ZC3H3: variants seen among roughly 807,000 people sequenced by gnomAD.
ZC3H3 encodes zinc finger CCCH domain-containing protein 3.
A neutral mutation model predicts 77.3 loss-of-function variants in ZC3H3; 36 were observed. That is an observed-to-expected ratio of 0.47 (90% CI 0.36 to 0.61). The LOEUF is 0.61. ZC3H3 is among the 20% of genes least tolerant of loss of function. The pLI is 0.00. For synonymous variants in ZC3H3, 626 were observed against 555.2 expected (o/e 1.13, Z -1.79); for missense variants, 1,331 against 1,312.2 (o/e 1.01, Z -0.22).
Position 143,538,509 on chromosome 8 carries a change from G to A in ZC3H3, c.858C>T (p.Ala286=). 1 of 1,612,646 alleles carries A rather than the reference G, an allele frequency of 6.2e-7. No homozygotes were observed. ...CCTCCCGGGCCTGCCTGGGTCCTGA[G>A]GCCGGTCTGGCGGGGCCCCCCACTG... is the stretch of plus-strand genomic sequence containing the variant. ...SGSVGGPARP[A]SGPRQAREAS... The change falls in exon 2 of 12, where the codon GCC becomes GCT. Residue 286 remains alanine, a synonymous_variant. Coordinates refer to ENST00000262577, the MANE Select transcript of ZC3H3 (RefSeq NM_015117.3).
At chr8:143,472,444 C>A (rs1467271554) in intron 5 of ZC3H3, among the ~76,000 whole-genome samples, 1 of 152,232 alleles carries the variant, frequency 6.6e-6, no homozygotes, top group Non-Finnish European at 1.5e-5. Context: ...GACGGGGAGA[C>A]ACAGCAGCAC....
rs909361948 is a variant in ZC3H3 at position 143,460,882 on chromosome 8, C to T, written c.2307+4835G>A. Among the ~76,000 whole-genome samples, 2 of 152,112 alleles carry T rather than the reference C, an allele frequency of 1.3e-5. No homozygotes were observed. The highest frequency in any genetic ancestry group is 2.9e-5 in the Non-Finnish European group (2 of 68,024). ...GCCAGACACCAAAGGACAGAATGTACGATTCCACTTAGAGGACATAGCTAG... is the reference window on the plus strand; with the variant it reads ...GCCAGACACCAAAGGACAGAATGTATGATTCCACTTAGAGGACATAGCTAG... On this transcript the variant is annotated intron_variant, in intron 9 of 11. Transcript: ENST00000262577. This position sits in a 1 kb window ranked among gnomAD's most constrained non-coding sequence, Gnocchi z 4.0.
chr8:143,461,032 G>A (rs920860924), intron 9 of ZC3H3, among the ~76,000 whole-genome samples: 2 of 152,086 alleles, frequency 1.3e-5, no homozygotes, highest in Non-Finnish European at 2.9e-5. Flanking sequence ...ATGTTTCCAC[G>A]GTGTTGTGAA....
chr8:143,464,874 C>T (rs1245217291), intron 9 of ZC3H3, among the ~76,000 whole-genome samples: 1 of 152,156 alleles, frequency 6.6e-6, no homozygotes, highest in African/African-American at 2.4e-5. Context: ...AAGCCTTAGG[C>T]CAGGTGCAGG....
At chr8:143,478,566 A>G (rs918104199) in intron 4 of ZC3H3, among the ~76,000 whole-genome samples, 1 of 152,182 alleles carries the variant, frequency 6.6e-6, no homozygotes, top group Non-Finnish European at 1.5e-5. Context: ...CTAGAGTGCA[A>G]TGGTGCGATC....
intron 3 of ZC3H3, among the ~76,000 whole-genome samples, chr8:143,534,298 G>C (rs200748839): frequency 7.8e-6 from 1 of 127,454 alleles, no homozygotes; most frequent in African/African-American, 2.8e-5. Flanking sequence ...AAAAAAAAAC[G>C]ACGAGATCAA....
chr8:143,526,978 C>A (rs11782873), intron 3 of ZC3H3, among the ~76,000 whole-genome samples: 17,819 of 152,160 alleles, frequency 0.12, 1,329 homozygotes, highest in Admixed American at 0.2. Flanking sequence ...AAGATAGACC[C>A]CTGAGAGGCC....
At position 143,460,411 on chromosome 8, in the gene ZC3H3, C is replaced by T. The variant is rs902016977; in HGVS notation, c.2307+5306G>A. ...AAAAGTTAGAATAAAGAAATTCAACCACAACAAGTGGTGGGGAGGGTGTGG... is the reference window on the plus strand; with the variant it reads ...AAAAGTTAGAATAAAGAAATTCAACTACAACAAGTGGTGGGGAGGGTGTGG... On this transcript the variant is annotated intron_variant, in intron 9 of 11. Transcript: ENST00000262577. The surrounding 1 kb of genome is among the most constrained non-coding windows in gnomAD (Gnocchi z 4.0). 2.6e-5 allele frequency among the ~76,000 whole-genome samples: 4 copies of T among 152,076 alleles called. No homozygotes were observed. The highest frequency in any genetic ancestry group is 1.9e-4 in the East Asian group (1 of 5,182).
chr8:143,517,886 C>T (rs1372763287), intron 3 of ZC3H3, among the ~76,000 whole-genome samples: 1 of 152,240 alleles, frequency 6.6e-6, no homozygotes, highest in East Asian at 1.9e-4. Context: ...ACTGGGAGCA[C>T]TCAGATACTC....
At chr8:143,459,636 G>A (rs1292056360) in intron 9 of ZC3H3, among the ~76,000 whole-genome samples, 1 of 152,116 alleles carries the variant, frequency 6.6e-6, no homozygotes, top group African/African-American at 2.4e-5. Flanking sequence ...CAATTAATGA[G>A]ATTGTGACTG....
intron 4 of ZC3H3, among the ~76,000 whole-genome samples, chr8:143,505,314 T>C (rs1198973244): frequency 6.6e-6 from 1 of 152,216 alleles, no homozygotes; most frequent in East Asian, 1.9e-4. Context: ...TCCAGCCACA[T>C]GCAGGCAGCC....
chr8:143,517,761 C>T (rs1392447426), intron 3 of ZC3H3, among the ~76,000 whole-genome samples: 1 of 152,180 alleles, frequency 6.6e-6, no homozygotes, highest in Non-Finnish European at 1.5e-5. Flanking sequence ...GGATTGAGAA[C>T]GCCTCTTCAC....
At chr8:143,506,872 C>T (rs1821712374) in intron 4 of ZC3H3, among the ~76,000 whole-genome samples, 1 of 152,206 alleles carries the variant, frequency 6.6e-6, no homozygotes, top group African/African-American at 2.4e-5. Flanking sequence ...AGGGAACCAC[C>T]AGGCAGCTAC....
chr8:143,495,559 G>A (rs73715634), intron 4 of ZC3H3, among the ~76,000 whole-genome samples: 2,807 of 152,242 alleles, frequency 0.018, 80 homozygotes, highest in African/African-American at 0.064. Flanking sequence ...CGAGGTATGC[G>A]TTGCGCAGGT....
Position 143,480,756 on chromosome 8 carries a change from G to A in ZC3H3, c.1716-5171C>T, listed in dbSNP as rs150334386. Among the ~76,000 whole-genome samples the A allele has an allele frequency of 9.7e-4, 148 of 152,350 alleles. 2 individuals are homozygous for A. The East Asian group carries it at 0.026, about 27-fold the overall frequency. ...CATGGGCACTGCCTGCGGTGTCTCC[G>A]TGCCATGCGACCCAGCTCTGAGACC... is the stretch of plus-strand genomic sequence containing the variant. On this transcript the variant is annotated intron_variant, in intron 4 of 11. Transcript: ENST00000262577.
chr8:143,467,810 C>A (rs1820452912), intron 8 of ZC3H3, among the ~76,000 whole-genome samples: 1 of 151,818 alleles, frequency 6.6e-6, no homozygotes, highest in Non-Finnish European at 1.5e-5. Context: ...CACCCAGCCC[C>A]CTCACATACA....
rs749933422 is a variant in ZC3H3 at position 143,440,337 on chromosome 8, G to A, written c.2519C>T (p.Thr840Ile). Reference protein sequence around the residue: ...PRKPSASQRPTRQTPSSAALT... With the variant: ...PRKPSASQRPIRQTPSSAALT... ...GGCAGCCGAGCTGGGCGTCTGCCTG[G>A]TGGGGCGCTGGGATGCTGAAGGCTT... Residue 840 changes from threonine to isoleucine, a missense_variant, in exon 11 of 12, where the codon ACC becomes ATC. Transcript: ENST00000262577. 9.1e-6 allele frequency: 14 copies of A among 1,537,954 alleles called. No homozygotes were observed. The highest frequency in any genetic ancestry group is 1.2e-5 in the Non-Finnish European group (14 of 1,140,158).
At chr8:143,517,902 CG>C in intron 3 of ZC3H3, among the ~76,000 whole-genome samples, 1 of 152,330 alleles carries the variant, frequency 6.6e-6, no homozygotes, top group African/African-American at 2.4e-5. Context: ...TACTCGAGGG[CG>C]GAAGAGCAGC....
At chr8:143,541,201 A>G (rs1823001773) in intron 1 of ZC3H3, among the ~76,000 whole-genome samples, 175 bp downstream of exon 1, 1 of 152,084 alleles carries the variant, frequency 6.6e-6, no homozygotes, top group South Asian at 2.1e-4. Context: ...GGAGCCGGGG[A>G]CTGACCCGGG....
Sources: allele counts gnomAD v4.1 joint callset (sites outside exome capture counted in the v4.1 genomes callset), GRCh38; gene constraint gnomAD v4.1.1; non-coding constraint Gnocchi (gnomAD v3.1); transcripts MANE v1.5; gene names NCBI Gene and HGNC (gene_info 2026-07-23, HGNC 2026-07-21).